The following MALRD1 variants were observed in gnomAD, a reference collection of about 807,000 sequenced individuals.
MALRD1 encodes MAM and LDL receptor class A domain containing 1.
In MALRD1, 247 loss-of-function variants were observed where a neutral mutation model predicts 242.1. The observed-to-expected ratio is 1.02, with a 90% CI of 0.92 to 1.13. MALRD1 has a LOEUF of 1.13. Among genes scored for constraint, MALRD1 ranks in the 50% most tolerant of loss-of-function variants. The probability of loss-of-function intolerance (pLI) is 0.00; values close to 1 mark genes in which losing one functional copy is unlikely to be tolerated. For missense variants in MALRD1, 2,989 were observed against 2,533.1 expected (o/e 1.18, Z -3.86); for synonymous variants, 995 against 866.6 (o/e 1.15, Z -2.60).
chr10:19,149,388 C>T (rs901234271), intron 11 of MALRD1, among the ~76,000 whole-genome samples: 1 of 152,032 alleles, frequency 6.6e-6, no homozygotes, highest in Non-Finnish European at 1.5e-5. Flanking sequence ...AATTAAGCCT[C>T]GAATTTCCTT....
In MALRD1 at chr10:19,151,575, TG is replaced by T. The variant is rs369594085; in HGVS notation, c.1559-3498del. On this transcript the variant is annotated intron_variant, in intron 11 of 39. Transcript: ENST00000454679. ...ATTTCTAGAATGTGTTGAATAGAAC[TG>T]GTGGTAGCTGCTAGACTTGTCTTAT... 6.2e-4 allele frequency among the ~76,000 whole-genome samples: 95 copies of T among 152,288 alleles called. No homozygotes were observed. In the South Asian group the frequency reaches 0.017, roughly 27 times the overall value.
chr10:19,628,326 A>AT (rs1223457382), intron 36 of MALRD1, among the ~76,000 whole-genome samples: 2 of 152,196 alleles, frequency 1.3e-5, no homozygotes, highest in African/African-American at 4.8e-5. Flanking sequence ...GCCTACTAAC[A>AT]TATTAACAAG....
At chr10:19,386,721 T>TAC (rs10687440) in intron 26 of MALRD1, among the ~76,000 whole-genome samples, 106,000 of 148,868 alleles carry the variant, frequency 0.71, 37,733 homozygotes, top group Middle Eastern at 0.8. Flanking sequence ...CATATACATA[T>TAC]ACACACACAC....
At chr10:19,321,599 C>T (rs1842917658) in intron 21 of MALRD1, among the ~76,000 whole-genome samples, 1 of 152,034 alleles carries the variant, frequency 6.6e-6, no homozygotes, top group South Asian at 2.1e-4. Context: ...TATTCATCAC[C>T]TTAAATATTT....
chr10:19,115,005 G>A (rs1263498905), intron 5 of MALRD1, among the ~76,000 whole-genome samples: 1 of 152,172 alleles, frequency 6.6e-6, no homozygotes, highest in Non-Finnish European at 1.5e-5. Context: ...TATAAAGGCT[G>A]TATTTCCAAA....
intron 25 of MALRD1, 100 bp downstream of exon 25, chr10:19,348,118 A>C: frequency 7.1e-7 from 1 of 1,402,764 alleles, no homozygotes; most frequent in Non-Finnish European, 9.5e-7. Context: ...GGGCCAGAGA[A>C]AAGATGAGTT....
chr10:19,421,223 G>A (rs1833708622), intron 28 of MALRD1, among the ~76,000 whole-genome samples: 1 of 152,140 alleles, frequency 6.6e-6, no homozygotes, highest in Admixed American at 6.6e-5. Context: ...GTATGTGTAT[G>A]TGTGCATGTT....
At chr10:19,317,104 A>T (rs1842738066) in intron 21 of MALRD1, among the ~76,000 whole-genome samples, 2 of 151,590 alleles carry the variant, frequency 1.3e-5, no homozygotes, top group African/African-American at 2.4e-5. Flanking sequence ...GTACTATTGA[A>T]CACTGGCTTG....
At chr10:19,237,557 T>C (rs1396305173) in intron 18 of MALRD1, among the ~76,000 whole-genome samples, 12 of 125,688 alleles carry the variant, frequency 9.5e-5, no homozygotes, top group African/African-American at 3.5e-4. Context: ...TAATTATAAT[T>C]ACACATAAAA....
At chr10:19,727,768 ATTT>A in intron 38 of MALRD1, among the ~76,000 whole-genome samples, 1 of 146,542 alleles carries the variant, frequency 6.8e-6, no homozygotes, top group African/African-American at 2.5e-5. Flanking sequence ...CAAACATTGC[ATTT>A]TTTTTTTTTT....
At chr10:19,331,276 C>T in intron 23 of MALRD1, 93 bp from the exon 24 acceptor site, 1 of 1,051,668 alleles carries the variant, frequency 9.5e-7, no homozygotes, top group South Asian at 1.5e-5. Context: ...CAACAAAAAA[C>T]AGATTCACGA....
intron 18 of MALRD1, among the ~76,000 whole-genome samples, chr10:19,238,570 A>G (rs1283758861): frequency 8.1e-6 from 1 of 123,484 alleles, no homozygotes; most frequent in Non-Finnish European, 1.6e-5. Context: ...TATATAATAT[A>G]CATAATGTAT....
At chr10:19,485,347 T>A (rs1679532787) in intron 29 of MALRD1, among the ~76,000 whole-genome samples, 4 of 152,216 alleles carry the variant, frequency 2.6e-5, no homozygotes, top group South Asian at 2.1e-4. Flanking sequence ...AAAATATTTT[T>A]AAAATAATAA....
chr10:19,578,994 G>A (rs1470227416), intron 33 of MALRD1, among the ~76,000 whole-genome samples: 2 of 152,140 alleles, frequency 1.3e-5, no homozygotes, highest in Admixed American at 6.5e-5. Flanking sequence ...CTATTAGGAA[G>A]GCAGAAATTC....
At chr10:19,616,068 G>C in intron 36 of MALRD1, 145 bp downstream of exon 36, 1 of 562,356 alleles carries the variant, frequency 1.8e-6, no homozygotes, top group Non-Finnish European at 3.1e-6. Flanking sequence ...ACATTTATCT[G>C]TCTGAATAAG....
At chr10:19,167,469 A>T (rs991741565) in intron 13 of MALRD1, among the ~76,000 whole-genome samples, 21 of 152,232 alleles carry the variant, frequency 1.4e-4, no homozygotes, top group African/African-American at 4.8e-4. Context: ...AGGTCATCTC[A>T]TCCTCATTTC....
intron 38 of MALRD1, among the ~76,000 whole-genome samples, chr10:19,707,489 G>A (rs1351682289): frequency 3.9e-5 from 6 of 152,194 alleles, no homozygotes; most frequent in Non-Finnish European, 7.3e-5. Context: ...AATGCAGAGT[G>A]TGAGAATAGA....
chr10:19,280,994 C>T (rs758612898), intron 20 of MALRD1, among the ~76,000 whole-genome samples: 3 of 152,144 alleles, frequency 2.0e-5, no homozygotes, highest in Non-Finnish European at 4.4e-5. Context: ...ACAGATAACA[C>T]AGAGAGAGTA....
intron 36 of MALRD1, among the ~76,000 whole-genome samples, chr10:19,675,686 G>A (rs149982241): frequency 3.9e-5 from 6 of 152,248 alleles, no homozygotes; most frequent in East Asian, 1.9e-4. Flanking sequence ...TTTGTTAACC[G>A]TAACATGTTG....
Sources: gnomAD v4.1 joint callset for allele counts (sites outside exome capture counted in the v4.1 genomes callset) on GRCh38, gnomAD v4.1.1 for gene constraint, MANE v1.5 for transcripts, NCBI Gene and HGNC (gene_info 2026-07-23, HGNC 2026-07-21) for gene names.